The following LIN9 variants were observed in gnomAD, a reference collection of about 807,000 sequenced individuals.
LIN9 encodes protein lin-9 homolog.
A neutral mutation model predicts 78.0 loss-of-function variants in LIN9; 18 were observed. That is an observed-to-expected ratio of 0.23 (90% CI 0.16 to 0.34). LIN9 has a LOEUF of 0.34. Among genes scored for constraint, LIN9 ranks in the 10% least tolerant of loss-of-function variants. The pLI is 1.00. For missense variants in LIN9, 451 were observed against 644.1 expected, an observed-to-expected ratio of 0.70 and a Z score of 3.25; for synonymous variants, 192 against 215.2, an observed-to-expected ratio of 0.89 and a Z score of 0.94.
intron 10 of LIN9, among the ~76,000 whole-genome samples, chr1:226,259,629 C>G (rs1404813959): frequency 6.6e-6 from 1 of 151,840 alleles, no homozygotes; most frequent in African/African-American, 2.4e-5. Flanking sequence ...TACTAGAAAT[C>G]AATAACAAAG....
intron 10 of LIN9, among the ~76,000 whole-genome samples, chr1:226,262,472 C>T (rs1156707020): frequency 6.6e-6 from 1 of 152,142 alleles, no homozygotes; most frequent in African/African-American, 2.4e-5. Flanking sequence ...GAGCCAAAGA[C>T]CTTAACAGAC....
At chr1:226,288,018 C>T (rs1661484470) in intron 4 of LIN9, among the ~76,000 whole-genome samples, 1 of 151,796 alleles carries the variant, frequency 6.6e-6, no homozygotes, top group Non-Finnish European at 1.5e-5. Flanking sequence ...GTTGCCCAGG[C>T]TGGAATGCAG....
intron 7 of LIN9, among the ~76,000 whole-genome samples, chr1:226,268,449 T>C (rs529361391): frequency 6.6e-6 from 1 of 152,218 alleles, no homozygotes; most frequent in South Asian, 2.1e-4. Context: ...AAAGATGTTG[T>C]GTAGAAAATA....
intron 11 of LIN9, among the ~76,000 whole-genome samples, chr1:226,250,454 G>A (rs990107418): frequency 2.0e-5 from 3 of 152,188 alleles, no homozygotes; most frequent in Non-Finnish European, 4.4e-5. Flanking sequence ...GCATAATGAG[G>A]TCTGGGGCAA....
intron 10 of LIN9, among the ~76,000 whole-genome samples, chr1:226,255,537 T>A (rs779956532): frequency 1.5e-4 from 23 of 151,826 alleles, no homozygotes; most frequent in Non-Finnish European, 2.8e-4. Context: ...AATTACAAGG[T>A]ACGCCAGGAG....
At chr1:226,243,742 T>C (rs1314814394) in intron 11 of LIN9, among the ~76,000 whole-genome samples, 1 of 133,876 alleles carries the variant, frequency 7.5e-6, no homozygotes, top group African/African-American at 2.8e-5. Flanking sequence ...AAAAACCCAA[T>C]AGTATATATT....
At chr1:226,302,563 A>AG (rs397813278) in intron 1 of LIN9, among the ~76,000 whole-genome samples, 1 of 151,696 alleles carries the variant, frequency 6.6e-6, no homozygotes, top group Non-Finnish European at 1.5e-5. Flanking sequence ...AAAAAAAAAA[A>AG]CAAACCAATA....
At chr1:226,296,460 T>C (rs185366049) in intron 3 of LIN9, among the ~76,000 whole-genome samples, 105 of 152,322 alleles carry the variant, frequency 6.9e-4, no homozygotes, top group African/African-American at 2.5e-3. Flanking sequence ...ATATGATAGA[T>C]ACCTGATAAT....
intron 6 of LIN9, among the ~76,000 whole-genome samples, chr1:226,284,109 T>C (rs1189766051): frequency 6.6e-6 from 1 of 152,212 alleles, no homozygotes; most frequent in Non-Finnish European, 1.5e-5. Context: ...ACTTGTTTTT[T>C]TCTATAGACT....
intron 10 of LIN9, among the ~76,000 whole-genome samples, chr1:226,252,466 T>C (rs964796235): frequency 5.9e-5 from 9 of 151,900 alleles, no homozygotes; most frequent in African/African-American, 9.7e-5. Context: ...ACAAAGAACA[T>C]GTTAAATAAT....
Position 226,246,094 on chromosome 1 carries a change from A to G in LIN9, c.1119+4745T>C, listed in dbSNP as rs369719607. 1.8e-4 allele frequency among the ~76,000 whole-genome samples: 28 copies of G among 152,356 alleles called. 1 individual carries two copies. The South Asian group carries it at 5.6e-3, about 30-fold the overall frequency. On this transcript the variant is annotated intron_variant, in intron 11 of 14. Coordinates refer to ENST00000681046, the MANE Select transcript of LIN9 (RefSeq NM_001366245.2). ...AGTTATTTAATGTGTCACTTAGATT[A>G]ATCCACATATTTACCCTTTTTGTTG...
Position 226,260,628 on chromosome 1 carries a change from G to GT in LIN9, c.1038+4904dup, listed in dbSNP as rs559460640. ...AGAATTTAAGATCACGGCCAAATGA[G>GT]TTTTTTTTTTTTTTTTTTTTTTTTT... is the stretch of plus-strand genomic sequence containing the variant. On this transcript the variant is annotated intron_variant, in intron 10 of 14. Coordinates refer to ENST00000681046, the MANE Select transcript of LIN9 (RefSeq NM_001366245.2). Among the ~76,000 whole-genome samples the GT allele has an allele frequency of 6.1e-3, 450 of 73,188 alleles. 31 individuals carry two copies. The highest frequency in any genetic ancestry group is 0.016 in the East Asian group (38 of 2,372). The allele number at this position is 73,188 out of a possible 152,430, so 48.0% of individuals were successfully genotyped here.
chr1:226,241,048 G>C lies in LIN9; in HGVS notation c.1120-1952C>G, dbSNP rs575689891. Reference sequence around the variant, plus strand: ...ACTATAGATCTGAAGCAGTAAAAGAGAAAGAGGGGAGGGAATGCCACAGTG... The same window carrying C: ...ACTATAGATCTGAAGCAGTAAAAGACAAAGAGGGGAGGGAATGCCACAGTG... On this transcript the variant is annotated intron_variant, in intron 11 of 14. Coordinates refer to ENST00000681046, the MANE Select transcript of LIN9 (RefSeq NM_001366245.2). Among the ~76,000 whole-genome samples, 155 of 152,276 alleles carry C rather than the reference G, an allele frequency of 1.0e-3. 1 individual carries two copies. Among genetic ancestry groups the C allele is most frequent in the Non-Finnish European group, 1.7e-3 (119 of 68,018 alleles).
chr1:226,294,687 A>G (rs1392831557), intron 4 of LIN9, among the ~76,000 whole-genome samples: 1 of 152,246 alleles, frequency 6.6e-6, no homozygotes, highest in Non-Finnish European at 1.5e-5. Flanking sequence ...AAATAATGAA[A>G]GAGAAATAGG....
chr1:226,246,509 G>A (rs756743355), intron 11 of LIN9, among the ~76,000 whole-genome samples: 30 of 151,936 alleles, frequency 2.0e-4, no homozygotes, highest in Admixed American at 1.2e-3. Flanking sequence ...TAGGTCGGGC[G>A]CGGTGGCTCA....
At chr1:226,289,275 A>G (rs1249433944) in intron 4 of LIN9, among the ~76,000 whole-genome samples, 2 of 152,110 alleles carry the variant, frequency 1.3e-5, no homozygotes, top group Non-Finnish European at 2.9e-5. Context: ...CAAAAAAAGA[A>G]TATGTGATAA....
intron 6 of LIN9, among the ~76,000 whole-genome samples, chr1:226,279,680 C>T (rs1047138127): frequency 5.4e-5 from 7 of 128,736 alleles, no homozygotes; most frequent in East Asian, 2.4e-4. Flanking sequence ...GAGGCTGAGG[C>T]GGGAGGATTG....
intron 4 of LIN9, 122 bp downstream of exon 4, chr1:226,295,720 G>T: frequency 1.7e-6 from 1 of 583,798 alleles, no homozygotes. Context: ...CAGGACCAGA[G>T]CAGCCGTACG....
At chr1:226,309,009 C>T (rs963927441) in intron 1 of LIN9, 100 bp downstream of exon 1, 1 of 1,207,298 alleles carries the variant, frequency 8.3e-7, no homozygotes, top group Admixed American at 3.3e-5. Context: ...GCAGTCAGCC[C>T]ACCTGCCCAG....
Sources: gnomAD v4.1 joint callset for allele counts (sites outside exome capture counted in the v4.1 genomes callset) on GRCh38, gnomAD v4.1.1 for gene constraint, MANE v1.5 for transcripts, NCBI Gene and HGNC (gene_info 2026-07-23, HGNC 2026-07-21) for gene names.